CDC14B: variants seen among roughly 807,000 people sequenced by gnomAD.
CDC14B encodes the protein dual specificity protein phosphatase CDC14B.
CDC14B carries 22 observed loss-of-function variants against 64.2 expected under a neutral mutation model. That is an observed-to-expected ratio of 0.34 (90% CI 0.24 to 0.49). The LOEUF is 0.49. CDC14B is among the 20% of genes least tolerant of loss of function. The pLI, the probability that CDC14B is intolerant of heterozygous loss-of-function variation, is 0.99. For missense variants in CDC14B, 498 were observed against 629.9 expected, an observed-to-expected ratio of 0.79 and a Z score of 2.24; for synonymous variants, 191 against 215.8, an observed-to-expected ratio of 0.89 and a Z score of 1.01.
chr9:96,544,905 C>G (rs1031857369), intron 5 of CDC14B, among the ~76,000 whole-genome samples: 6 of 152,114 alleles, frequency 3.9e-5, no homozygotes, highest in Admixed American at 1.3e-4. Context: ...ACGATTTTAC[C>G]AACACTTTAT....
chr9:96,549,606 A>G (rs183112293), intron 5 of CDC14B, among the ~76,000 whole-genome samples: 63 of 152,220 alleles, frequency 4.1e-4, no homozygotes, highest in African/African-American at 1.5e-3. Context: ...CAGAGGTTGC[A>G]GTGAGTCCAG....
At chr9:96,525,532 T>C (rs915924286) in intron 9 of CDC14B, among the ~76,000 whole-genome samples, 2 of 152,050 alleles carry the variant, frequency 1.3e-5, no homozygotes, top group Non-Finnish European at 2.9e-5. Context: ...CAGCTGCCTC[T>C]GACCACAGCC....
At chr9:96,499,909 C>T (rs1337289201), downstream of CDC14B, among the ~76,000 whole-genome samples, 1 of 152,198 alleles carries the variant, frequency 6.6e-6, no homozygotes, top group Admixed American at 6.5e-5. Flanking sequence ...AGAAACCAAG[C>T]CCGCCCACAG....
chr9:96,494,486 G>A (rs1398808246), intron 13 of CDC14B, among the ~76,000 whole-genome samples: 1 of 152,212 alleles, frequency 6.6e-6, no homozygotes, highest in African/African-American at 2.4e-5. Flanking sequence ...AAGGCCTAGC[G>A]GCTCCTGCCT....
intron 1 of CDC14B, among the ~76,000 whole-genome samples, chr9:96,599,312 C>T (rs1413765354): frequency 2.0e-5 from 3 of 151,154 alleles, no homozygotes; most frequent in Non-Finnish European, 4.4e-5. Flanking sequence ...ACCCAGGAGG[C>T]GGAGGTTGCA....
At chr9:96,534,267 A>G in intron 8 of CDC14B, 110 bp from the exon 9 acceptor site, 1 of 798,880 alleles carries the variant, frequency 1.3e-6, no homozygotes, top group Non-Finnish European at 2.0e-6. Context: ...TTAAATACCA[A>G]TTTGATTATA....
intron 1 of CDC14B, among the ~76,000 whole-genome samples, chr9:96,610,504 C>A (rs1847244401): frequency 6.6e-6 from 1 of 152,090 alleles, no homozygotes; most frequent in Non-Finnish European, 1.5e-5. Flanking sequence ...GGCAAGAATA[C>A]TTTTTAAATT....
intron 9 of CDC14B, among the ~76,000 whole-genome samples, chr9:96,525,294 G>A (rs551048971): frequency 1.3e-5 from 2 of 152,160 alleles, no homozygotes; most frequent in African/African-American, 4.8e-5. Context: ...GCACTAAAGG[G>A]GATGGACATG....
At chr9:96,533,639 A>C (rs1226735927) in intron 9 of CDC14B, among the ~76,000 whole-genome samples, 1 of 152,206 alleles carries the variant, frequency 6.6e-6, no homozygotes, top group African/African-American at 2.4e-5. Flanking sequence ...GTTTCCATTA[A>C]GACAGGCTCT....
At chr9:96,613,900 C>G (rs910083260) in intron 1 of CDC14B, among the ~76,000 whole-genome samples, 1 of 152,118 alleles carries the variant, frequency 6.6e-6, no homozygotes, top group African/African-American at 2.4e-5. Flanking sequence ...ATAAATACTT[C>G]TTGAATTAAT....
downstream of CDC14B, among the ~76,000 whole-genome samples, chr9:96,497,992 C>T (rs1226853735): frequency 2.0e-5 from 3 of 152,158 alleles, no homozygotes; most frequent in African/African-American, 4.8e-5. Flanking sequence ...CCCAGAAACC[C>T]CTTTTGTAAG....
chr9:96,612,015 C>T (rs1847352108), intron 1 of CDC14B, among the ~76,000 whole-genome samples: 1 of 152,190 alleles, frequency 6.6e-6, no homozygotes, highest in Non-Finnish European at 1.5e-5. Flanking sequence ...TATAAGTCTT[C>T]AGTATAATAA....
chr9:96,569,778 C>A (rs1415785026), intron 1 of CDC14B, among the ~76,000 whole-genome samples: 1 of 152,132 alleles, frequency 6.6e-6, no homozygotes. Flanking sequence ...TCACATGCCG[C>A]CACTCCCAGC....
Position 96,541,797 on chromosome 9 carries a change from A to C in CDC14B, c.564+29T>G, listed in dbSNP as rs1430962031. ...GACCGCATGTTAGTTCCTCAACACA[A>C]CACTGGGTGCATCCTACATGTCACT... On this transcript the variant is annotated intron_variant, in intron 6 of 13. Coordinates refer to ENST00000375241, the MANE Select transcript of CDC14B (RefSeq NM_033331.4). The C allele has an allele frequency of 1.9e-6, 3 of 1,540,170 alleles. No individual in the cohort carries two copies. The African/African-American group carries it at 4.1e-5, about 21-fold the overall frequency.
intron 8 of CDC14B, 51 bp from the exon 9 acceptor site, chr9:96,534,208 G>T: frequency 8.8e-7 from 1 of 1,130,810 alleles, no homozygotes; most frequent in Non-Finnish European, 1.3e-6. Flanking sequence ...GAAAACAATG[G>T]CTAATAGTTT....
intron 1 of CDC14B, among the ~76,000 whole-genome samples, chr9:96,599,962 C>A (rs917734439): frequency 2.0e-5 from 3 of 152,178 alleles, no homozygotes; most frequent in Non-Finnish European, 4.4e-5. Flanking sequence ...AATCTCTTGA[C>A]CTCGTGATCC....
chr9:96,591,513 C>T (rs998545944), intron 1 of CDC14B, among the ~76,000 whole-genome samples: 1 of 151,982 alleles, frequency 6.6e-6, no homozygotes, highest in African/African-American at 2.4e-5. Flanking sequence ...GGAATTGAAG[C>T]CTCTAGCTTT....
chr9:96,524,955 T>G (rs1837335663), intron 9 of CDC14B, among the ~76,000 whole-genome samples: 1 of 152,230 alleles, frequency 6.6e-6, no homozygotes, highest in African/African-American at 2.4e-5. Flanking sequence ...GAGAAGTGGC[T>G]TTGTGATTGA....
At chr9:96,586,311 A>G (rs1338629458) in intron 1 of CDC14B, among the ~76,000 whole-genome samples, 1 of 152,244 alleles carries the variant, frequency 6.6e-6, no homozygotes, top group Non-Finnish European at 1.5e-5. Flanking sequence ...CAGACTGTTG[A>G]CAGTAAATGA....
Sources: gnomAD v4.1 joint callset for allele counts (sites outside exome capture counted in the v4.1 genomes callset) on GRCh38, gnomAD v4.1.1 for gene constraint, MANE v1.5 for transcripts, NCBI Gene and HGNC (gene_info 2026-07-23, HGNC 2026-07-21) for gene names.